SASH1: variants seen among roughly 807,000 people sequenced by gnomAD.
SASH1 encodes the protein SAM and SH3 domain-containing protein 1.
In SASH1, 44 loss-of-function variants were observed where a neutral mutation model predicts 125.2. That is an observed-to-expected ratio of 0.35 (90% confidence interval 0.28 to 0.45). The LOEUF is 0.45. SASH1 is among the 20% of genes least tolerant of loss of function. The pLI is 1.00. For missense variants in SASH1, 1,426 were observed against 1,614.5 expected (o/e 0.88, Z 2.00); for synonymous variants, 639 against 649.1 (o/e 0.98, Z 0.24).
At chr6:148,247,261 A>G in the SASH1 span, among the ~76,000 whole-genome samples, 3 of 152,206 alleles carry the variant, frequency 2.0e-5, no homozygotes. Flanking sequence ...GAGATCCTTA[A>G]GTTCAAGGTT....
At chr6:148,540,613 C>T in intron 17 of SASH1, 57 bp downstream of exon 17, 1 of 1,279,590 alleles carries the variant, frequency 7.8e-7, no homozygotes, top group East Asian at 2.4e-5. Context: ...TTTCAAAGCA[C>T]AGTTTTCTGC....
chr6:148,380,078 C>A (rs58833571), intron 1 of SASH1: 46,194 of 432,460 alleles, frequency 0.11, 3,954 homozygotes, highest in Admixed American at 0.25. Flanking sequence ...TCAACCTTAG[C>A]TGTATAAAAG....
chr6:148,196,796 A>G, the SASH1 span, among the ~76,000 whole-genome samples: 1 of 152,242 alleles, frequency 6.6e-6, no homozygotes, highest in Non-Finnish European at 1.5e-5. Context: ...TAAGTGGAAT[A>G]GCAAGTCTGA....
In SASH1 at chr6:148,513,043, G is replaced by T. The variant is rs995629636; in HGVS notation, c.730-1281G>T. 8.1e-6 allele frequency: 8 copies of T among 985,228 alleles called. No individual in the cohort carries two copies. The East Asian group carries it at 6.8e-4, about 84-fold the overall frequency. The allele number at this position is 985,228 out of a possible 1,614,324, so 61.0% of individuals were successfully genotyped here. A position where few individuals can be genotyped will look rare whatever the true frequency, so the allele number is the denominator to read the frequency against. On this transcript the variant is annotated intron_variant, in intron 8 of 19. Transcript: ENST00000367467. ...CCATAGTGCAAAGAGGACTCACAAC[G>T]TGCACCATTTTTATGCCTAAATAAT...
intron 1 of SASH1, among the ~76,000 whole-genome samples, chr6:148,321,246 C>G (rs1473801068): frequency 1.3e-5 from 2 of 151,948 alleles, no homozygotes; most frequent in East Asian, 1.9e-4. Flanking sequence ...AAAAAATGAG[C>G]CTGGCGTGGT....
At chr6:148,458,981 TATACAC>T (rs1454003063) in intron 4 of SASH1, among the ~76,000 whole-genome samples, 63 of 58,902 alleles carry the variant, frequency 1.1e-3, no homozygotes, top group African/African-American at 4.5e-3. Flanking sequence ...AAAAAAAAAG[TATACAC>T]ACACACACAC....
At chr6:148,442,540 C>T (rs1452858358) in intron 4 of SASH1, among the ~76,000 whole-genome samples, 3 of 151,626 alleles carry the variant, frequency 2.0e-5, no homozygotes, top group Non-Finnish European at 4.4e-5. Context: ...CTCTCTCACA[C>T]ACCCCCTGCC....
chr6:148,548,662 A>G lies in SASH1; in HGVS notation c.*104A>G. On this transcript the variant is annotated 3_prime_UTR_variant, in exon 20 of 20. Transcript: ENST00000367467. ...CTCTGGACGTGCAGACCAGATCCAGAAGAAAGGCCTGGCGTGTGGCCAAAC... is the reference window on the plus strand; with the variant it reads ...CTCTGGACGTGCAGACCAGATCCAGGAGAAAGGCCTGGCGTGTGGCCAAAC... The G allele has an allele frequency of 1.5e-6, 2 of 1,370,066 alleles. No homozygotes were observed. Among genetic ancestry groups the G allele is most frequent in the South Asian group, 1.4e-5 (1 of 70,274 alleles). The allele number at this position is 1,370,066 out of a possible 1,614,324, so 84.9% of individuals were successfully genotyped here. A position where few individuals can be genotyped will look rare whatever the true frequency, so the allele number is the denominator to read the frequency against.
chr6:148,524,195 AAAT>A lies in SASH1; in HGVS notation c.1210-1092_1210-1090del, dbSNP rs1338101030. On this transcript the variant is annotated intron_variant, in intron 10 of 19. Coordinates refer to ENST00000367467, the MANE Select transcript of SASH1 (RefSeq NM_015278.5). ...AAGTAATCGCAGTTTTTACCATTGA[AAAT>A]AATGGCAAAACTGCGATTACTTTTG... Among the ~76,000 whole-genome samples, 3 of 145,508 alleles carry A rather than the reference AAAT, an allele frequency of 2.1e-5. No homozygotes were observed. In the East Asian group the frequency reaches 6.3e-4, roughly 31 times the overall value.
chr6:148,459,241 A>T (rs1007517540), intron 4 of SASH1, among the ~76,000 whole-genome samples: 1 of 152,140 alleles, frequency 6.6e-6, no homozygotes. Context: ...CCAGATGGAA[A>T]AGAGAAGACC....
At chr6:148,465,322 C>T (rs575233594) in intron 4 of SASH1, among the ~76,000 whole-genome samples, 4 of 152,086 alleles carry the variant, frequency 2.6e-5, no homozygotes, top group African/African-American at 9.6e-5. Context: ...GAGGCCGAGG[C>T]GGGCAAATCA....
intron 16 of SASH1, among the ~76,000 whole-genome samples, 194 bp from the exon 17 acceptor site, chr6:148,540,249 C>G (rs1175829286): frequency 6.6e-6 from 1 of 152,194 alleles, no homozygotes; most frequent in Non-Finnish European, 1.5e-5. Context: ...CCAAACTTAT[C>G]TTCGTGCGAT....
chr6:148,303,086 T>C (rs918223826), intron 1 of SASH1, among the ~76,000 whole-genome samples: 2 of 152,082 alleles, frequency 1.3e-5, no homozygotes, highest in African/African-American at 4.8e-5. Flanking sequence ...ATTCAAGCGA[T>C]TCTCCTGCCT....
At chr6:148,317,252 G>A (rs971976306) in intron 1 of SASH1, among the ~76,000 whole-genome samples, 17 of 152,138 alleles carry the variant, frequency 1.1e-4, no homozygotes, top group Admixed American at 3.3e-4. Context: ...CCTTGCATGC[G>A]TAAGCCAGTG....
intron 12 of SASH1, among the ~76,000 whole-genome samples, chr6:148,528,426 A>G (rs2328897): frequency 0.75 from 114,421 of 152,092 alleles, 43,230 homozygotes; most frequent in African/African-American, 0.81. Flanking sequence ...AAACAGCAGG[A>G]AAAGCAGACA....
At chr6:148,447,634 C>T (rs528736823) in intron 4 of SASH1, among the ~76,000 whole-genome samples, 2 of 151,564 alleles carry the variant, frequency 1.3e-5, no homozygotes, top group East Asian at 3.9e-4. Flanking sequence ...CTTCCTTCTC[C>T]TCCTCCTCCT....
chr6:148,219,608 C>T, the SASH1 span, among the ~76,000 whole-genome samples: 10 of 152,192 alleles, frequency 6.6e-5, no homozygotes, highest in South Asian at 2.1e-4. Context: ...TCTGGCTCCA[C>T]ACTTAAGGGG....
chr6:148,419,393 CAG>C (rs1455466740), intron 2 of SASH1, among the ~76,000 whole-genome samples: 2 of 152,124 alleles, frequency 1.3e-5, no homozygotes, highest in African/African-American at 2.4e-5. Context: ...TAGGGCATGA[CAG>C]AGAAAATGTG....
At chr6:148,273,837 C>T (rs1159516487) in intron 1 of SASH1, among the ~76,000 whole-genome samples, 2 of 152,186 alleles carry the variant, frequency 1.3e-5, no homozygotes, top group Admixed American at 6.5e-5. Context: ...GAGCTGAGAA[C>T]AGTGCCTGGT....
Sources: gnomAD v4.1 joint callset for allele counts (sites outside exome capture counted in the v4.1 genomes callset) on GRCh38, gnomAD v4.1.1 for gene constraint, MANE v1.5 for transcripts, NCBI Gene and HGNC (gene_info 2026-07-23, HGNC 2026-07-21) for gene names.